Variants in SYNJ2 observed in about 807,000 individuals in gnomAD.
The protein encoded by SYNJ2 is synaptojanin 2.
SYNJ2 carries 116 observed loss-of-function variants against 141.3 expected under a neutral mutation model. That is an observed-to-expected ratio of 0.82 (90% CI 0.71 to 0.96). The LOEUF is 0.96. Among genes scored for constraint, SYNJ2 ranks in the 40% least tolerant of loss-of-function variants. The pLI, the probability that SYNJ2 is intolerant of heterozygous loss-of-function variation, is 0.00. For missense variants in SYNJ2, 1,873 were observed against 1,934.8 expected, an observed-to-expected ratio of 0.97 and a Z score of 0.60; for synonymous variants, 745 against 777.7, an observed-to-expected ratio of 0.96 and a Z score of 0.70.
chr6:157,982,035 C>A lies in SYNJ2; in HGVS notation c.74C>A (p.Ala25Glu). The change falls in exon 1 of 27, where the codon GCG (alanine) becomes GAG (glutamate). Residue 25 changes from alanine (A) to glutamate (E), a missense_variant. Transcript: ENST00000355585. The surrounding 1 kb of genome is among the most constrained non-coding windows in gnomAD (Gnocchi z 4.0). ...GGGGACTGTAGCGTGCTGCTGGAGGCGCGCGGCCGCGACGACTGCCTGCTG... is the reference window on the plus strand; with the variant it reads ...GGGGACTGTAGCGTGCTGCTGGAGGAGCGCGGCCGCGACGACTGCCTGCTG... ...AEGDCSVLLE[A>E]RGRDDCLLFE... The A allele has an allele frequency of 7.5e-7, 1 of 1,333,196 alleles. No individual in the cohort carries two copies. Among genetic ancestry groups the A allele is most frequent in the East Asian group, 3.1e-5 (1 of 32,542 alleles). The allele number at this position is 1,333,196 out of a possible 1,614,324, so 82.6% of individuals were successfully genotyped here.
chr6:158,092,840 A>G, intron 25 of SYNJ2, 86 bp from the exon 26 acceptor site: 2 of 1,246,794 alleles, frequency 1.6e-6, no homozygotes, highest in Non-Finnish European at 2.2e-6. Flanking sequence ...AGTAAATGAC[A>G]CTTAGGATGT....
intron 1 of SYNJ2, among the ~76,000 whole-genome samples, chr6:158,005,152 A>G (rs535888074): frequency 5.0e-4 from 72 of 144,878 alleles, no homozygotes; most frequent in Admixed American, 8.6e-4. Context: ...ATCTCGGCTC[A>G]CTGCAAGCTC....
chr6:158,065,540 AC>A (rs1215301887), intron 11 of SYNJ2, among the ~76,000 whole-genome samples: 1 of 152,196 alleles, frequency 6.6e-6, no homozygotes, highest in Non-Finnish European at 1.5e-5. Flanking sequence ...GCATCTTCTT[AC>A]CTGAGCCTGT....
chr6:157,981,917 G>A lies in SYNJ2; in HGVS notation c.-45G>A. 1 of 1,221,340 alleles carries A rather than the reference G, an allele frequency of 8.2e-7. No individual in the cohort carries two copies. The highest frequency in any genetic ancestry group is 1.0e-6 in the Non-Finnish European group (1 of 980,462). 75.7% of individuals were successfully genotyped at this position (1,221,340 alleles called of 1,614,324 possible). On this transcript the variant is annotated 5_prime_UTR_variant, in exon 1 of 27. Transcript: ENST00000355585. This position sits in a 1 kb window ranked among gnomAD's most constrained non-coding sequence, Gnocchi z 6.4. ...GAGCTGTCGCGGGCAGCGCGCCCTC[G>A]GGAGGACGTGGCCCCGGCCCCCGCC...
Position 158,079,484 on chromosome 6 carries a change from T to C in SYNJ2, c.2567+1203T>C, listed in dbSNP as rs557793272. 6.6e-5 allele frequency: 10 copies of C among 151,814 alleles called. 1 individual carries two copies. Among genetic ancestry groups the C allele is most frequent in the Admixed American group, 5.3e-4 (8 of 15,230 alleles). The allele number at this position is 151,814 out of a possible 1,614,324, so 9.4% of individuals were successfully genotyped here. A position where few individuals can be genotyped will look rare whatever the true frequency, so the allele number is the denominator to read the frequency against. On this transcript the variant is annotated intron_variant, in intron 18 of 26. Transcript: ENST00000355585. The stretch of plus-strand genomic sequence containing the variant: ...ACCCCCAGGGTATAAGTGATTTTCA[T>C]GTCTCAGCCTCCCAAGTAGCTGGGA...
chr6:158,030,172 A>G (rs555726757), intron 3 of SYNJ2, among the ~76,000 whole-genome samples: 5 of 152,140 alleles, frequency 3.3e-5, no homozygotes, highest in Admixed American at 6.5e-5. Flanking sequence ...TAAATTATCT[A>G]TTGCCCTTTC....
At chr6:158,066,711 C>T (rs751037775) in intron 12 of SYNJ2, 76 bp downstream of exon 12, 1 of 1,516,256 alleles carries the variant, frequency 6.6e-7, no homozygotes, top group Admixed American at 1.8e-5. Context: ...CCTTTAGTGG[C>T]CATCGTCTTG....
chr6:158,009,114 C>T (rs774785018), intron 1 of SYNJ2, among the ~76,000 whole-genome samples: 2 of 152,234 alleles, frequency 1.3e-5, no homozygotes, highest in African/African-American at 2.4e-5. Flanking sequence ...ATTCAGATGT[C>T]ACCCTTGCAA....
intron 1 of SYNJ2, among the ~76,000 whole-genome samples, chr6:158,010,894 C>T (rs1191394084): frequency 2.2e-5 from 3 of 138,316 alleles, no homozygotes; most frequent in Non-Finnish European, 4.6e-5. Context: ...GGGGGAATGC[C>T]AAAAGAGGAT....
rs146521365 is a variant in SYNJ2, at chr6:158,054,197, T to A, written c.796-770T>A. ...TCCATCCATCCATCCATCCATCCAC[T>A]CAGCTATTCATCCATCCACCCACCC... is the stretch of plus-strand genomic sequence containing the variant. On this transcript the variant is annotated intron_variant, in intron 5 of 26. Transcript: ENST00000355585. Among the ~76,000 whole-genome samples the A allele has an allele frequency of 2.2e-4, 30 of 137,650 alleles. 1 individual carries two copies. The East Asian group carries it at 5.7e-3, about 26-fold the overall frequency. 90.3% of individuals were successfully genotyped at this position (137,650 alleles called of 152,430 possible). A position where few individuals can be genotyped will look rare whatever the true frequency, so the allele number is the denominator to read the frequency against.
At chr6:158,076,970 C>T (rs73795236) in intron 17 of SYNJ2, among the ~76,000 whole-genome samples, 188 bp downstream of exon 17, 3,538 of 151,738 alleles carry the variant, frequency 0.023, 132 homozygotes, top group African/African-American at 0.08. Flanking sequence ...GGAGCCTCTG[C>T]TTCTGGCCTC....
chr6:158,063,222 A>G (rs1781332224), intron 8 of SYNJ2, among the ~76,000 whole-genome samples: 1 of 152,220 alleles, frequency 6.6e-6, no homozygotes, highest in Non-Finnish European at 1.5e-5. Flanking sequence ...TAATTGCTAT[A>G]AATAACAAGG....
chr6:158,017,159 C>T (rs749210407), intron 1 of SYNJ2, 45 bp from the exon 2 acceptor site: 2 of 1,602,638 alleles, frequency 1.2e-6, no homozygotes, highest in Non-Finnish European at 1.7e-6. Context: ...CAGGAATGAG[C>T]AGGAGACGCT....
Position 158,081,284 on chromosome 6 carries a change from C to G in SYNJ2, c.2743C>G (p.Leu915Val), listed in dbSNP as rs747989144. The change falls in exon 19 of 27, where the codon CTC becomes GTC. Residue 915 changes from leucine to valine, a missense_variant. Transcript: ENST00000355585. ...GTTTCCAGAGGACCTGCGTACTGAG[C>G]TCATGCAGACCTTGGGGAGTTATGG... is the stretch of plus-strand genomic sequence containing the variant. ...NEFPEDLRTE[L>V]MQTLGSYGTI... 1 of 1,614,148 alleles carries G rather than the reference C, an allele frequency of 6.2e-7. No homozygotes were observed. The highest frequency in any genetic ancestry group is 2.2e-5 in the East Asian group (1 of 44,882).
chr6:158,040,300 A>G lies in SYNJ2; in HGVS notation c.712-3016A>G, dbSNP rs1407368081. 6.6e-6 allele frequency among the ~76,000 whole-genome samples: 1 copy of G among 151,520 alleles called. No homozygotes were observed. The highest frequency in any genetic ancestry group is 1.5e-5 in the Non-Finnish European group (1 of 67,900). On this transcript the variant is annotated intron_variant, in intron 4 of 26. Transcript: ENST00000355585. This position sits in a 1 kb window ranked among gnomAD's most constrained non-coding sequence, Gnocchi z 4.2. ...GGTGTGTGCCTTGTGTTTGTTTTTC[A>G]TGTGTATGTGTGCAGTGTGTGCATT...
At chr6:158,003,141 G>A (rs765929157) in intron 1 of SYNJ2, among the ~76,000 whole-genome samples, 1 of 152,218 alleles carries the variant, frequency 6.6e-6, no homozygotes, top group African/African-American at 2.4e-5. Context: ...TGTGGGCATG[G>A]CGTTGGTGGG....
intron 4 of SYNJ2, 141 bp downstream of exon 4, chr6:158,033,821 C>A: frequency 3.7e-6 from 3 of 805,350 alleles, no homozygotes; most frequent in Non-Finnish European, 5.8e-6. Flanking sequence ...AAGTGGAGAA[C>A]AGCACGTGTA....
In SYNJ2 at chr6:158,071,280, G is replaced by A. The variant is rs150073077; in HGVS notation, c.1941-322G>A. On this transcript the variant is annotated intron_variant, in intron 14 of 26. Transcript: ENST00000355585. This position sits in a 1 kb window ranked among gnomAD's most constrained non-coding sequence, Gnocchi z 4.3. ...ACAGGAGTGGGGTGGGCTGGTGGGT[G>A]GTGATGTTTGCGCCGCTCCTGGTGG... is the stretch of plus-strand genomic sequence containing the variant. Among the ~76,000 whole-genome samples, 210 of 152,328 alleles carry A rather than the reference G, an allele frequency of 1.4e-3. 2 individuals are homozygous for A. The highest frequency in any genetic ancestry group is 4.7e-3 in the African/African-American group (195 of 41,570).
At chr6:158,045,857 C>T (rs958722569) in intron 5 of SYNJ2, among the ~76,000 whole-genome samples, 5 of 152,192 alleles carry the variant, frequency 3.3e-5, no homozygotes, top group African/African-American at 1.2e-4. Flanking sequence ...ACCACGAGGT[C>T]TCAGCTTTTT....
Sources: gnomAD v4.1 joint callset for allele counts (sites outside exome capture counted in the v4.1 genomes callset) on GRCh38, gnomAD v4.1.1 for gene constraint, Gnocchi (gnomAD v3.1) non-coding constraint, MANE v1.5 for transcripts, NCBI Gene and HGNC (gene_info 2026-07-23, HGNC 2026-07-21) for gene names.